Variants in FAS observed in about 807,000 individuals in gnomAD.
FAS encodes the protein Fas cell surface death receptor, also known as tumor necrosis factor receptor superfamily member 6.
FAS carries 5 observed loss-of-function variants against 33.2 expected under a neutral mutation model. The ratio of observed to expected loss-of-function variants is 0.15; its 90% CI spans 0.08 to 0.32. The LOEUF (loss-of-function observed/expected upper bound fraction) is 0.32. Ranked by LOEUF, FAS falls within the 10% of genes least tolerant of loss-of-function variation. The pLI is 1.00. For missense variants in FAS, 339 were observed against 386.0 expected (o/e 0.88, Z 1.02); for synonymous variants, 131 against 130.7 (o/e 1.00, Z -0.01).
intron 1 of FAS, chr10:88,973,115 A>G: frequency 6.7e-7 from 1 of 1,482,896 alleles, no homozygotes; most frequent in Non-Finnish European, 9.0e-7. Flanking sequence ...TTATTTTTCT[A>G]TTTTAATTTT....
chr10:88,967,643 C>A (rs749499285), intron 1 of FAS, among the ~76,000 whole-genome samples: 1 of 152,174 alleles, frequency 6.6e-6, no homozygotes, highest in Non-Finnish European at 1.5e-5. Flanking sequence ...GTTTCTTGAA[C>A]TTTCAAAGAC....
chr10:88,992,837 C>G (rs538469186), intron 1 of FAS, among the ~76,000 whole-genome samples: 2 of 152,242 alleles, frequency 1.3e-5, no homozygotes, highest in East Asian at 1.9e-4. Flanking sequence ...TAACATCAGG[C>G]CTTTATCCTT....
At chr10:89,004,499 A>G (rs1258886111) in intron 2 of FAS, among the ~76,000 whole-genome samples, 2 of 149,666 alleles carry the variant, frequency 1.3e-5, no homozygotes, top group South Asian at 2.2e-4. Flanking sequence ...ATATCTCCCA[A>G]TGCTATCCCT....
intron 3 of FAS, 51 bp downstream of exon 3, chr10:89,007,888 A>G (rs1848320218): frequency 1.2e-6 from 2 of 1,610,902 alleles, no homozygotes; most frequent in South Asian, 2.2e-5. Flanking sequence ...AATTTCATGT[A>G]GAACCATTTA....
chr10:89,003,065 G>C lies in FAS; in HGVS notation c.67G>C (p.Val23Leu), dbSNP rs779039838. The stretch of plus-strand genomic sequence containing the variant: ...TGTTGCTAGATTATCGTCCAAAAGT[G>C]TTAATGCCCAAGTGACTGACATCAA... ...TSVARLSSKS[V>L]NAQVTDINSK... Residue 23 changes from valine to leucine, a missense_variant, in exon 2 of 9, where the codon GTT becomes CTT. Coordinates refer to ENST00000652046, the MANE Select transcript of FAS (RefSeq NM_000043.6). 6.2e-7 allele frequency: 1 copy of C among 1,614,128 alleles called. No individual in the cohort carries two copies. Among genetic ancestry groups the C allele is most frequent in the South Asian group, 1.1e-5 (1 of 91,074 alleles).
intron 8 of FAS, among the ~76,000 whole-genome samples, chr10:89,013,813 T>C (rs1190311289): frequency 6.6e-6 from 1 of 152,222 alleles, no homozygotes; most frequent in Non-Finnish European, 1.5e-5. Context: ...GGGTCATTGA[T>C]CATTGGATCC....
chr10:89,014,626 G>A lies in FAS; in HGVS notation c.*176G>A, dbSNP rs1848703778. On this transcript the variant is annotated 3_prime_UTR_variant, in exon 9 of 9. Coordinates refer to ENST00000652046, the MANE Select transcript of FAS (RefSeq NM_000043.6). Reference sequence around the variant, plus strand: ...ATCTCATGATTCTGCCTCCAAGGATGTTTAAAATCTAGTTGGGAAAACAAA... The same window carrying A: ...ATCTCATGATTCTGCCTCCAAGGATATTTAAAATCTAGTTGGGAAAACAAA... 1 of 768,440 alleles carries A rather than the reference G, an allele frequency of 1.3e-6. No homozygotes were observed. The highest frequency in any genetic ancestry group is 2.7e-5 in the East Asian group (1 of 37,364). 47.6% of individuals were successfully genotyped at this position (768,440 alleles called of 1,614,324 possible).
At chr10:89,006,288 T>G (rs975544416) in intron 2 of FAS, among the ~76,000 whole-genome samples, 1 of 152,234 alleles carries the variant, frequency 6.6e-6, no homozygotes, top group Admixed American at 6.5e-5. Flanking sequence ...TATAGCCCTA[T>G]GCACTATTTT....
chr10:89,010,637 C>G, intron 5 of FAS, 37 bp downstream of exon 5: 1 of 1,607,888 alleles, frequency 6.2e-7, no homozygotes, highest in Non-Finnish European at 8.5e-7. Context: ...TCCTTTCCCC[C>G]AACCCCATGG....
At chr10:89,010,007 A>C (rs967708175) in intron 4 of FAS, among the ~76,000 whole-genome samples, 1 of 152,148 alleles carries the variant, frequency 6.6e-6, no homozygotes, top group African/African-American at 2.4e-5. Flanking sequence ...CCTGATTGTG[A>C]ATGTTTGTCT....
At position 89,007,599 on chromosome 10, in the gene FAS, G is replaced by T. The variant is rs960830396; in HGVS notation, c.197-101G>T. The T allele has an allele frequency of 7.7e-5, 111 of 1,450,862 alleles. 1 individual carries two copies. Among genetic ancestry groups the T allele is most frequent in the Non-Finnish European group, 9.8e-5 (104 of 1,066,546 alleles). The allele number at this position is 1,450,862 out of a possible 1,614,324, so 89.9% of individuals were successfully genotyped here. On this transcript the variant is annotated intron_variant, in intron 2 of 8. Coordinates refer to ENST00000652046, the MANE Select transcript of FAS (RefSeq NM_000043.6). ...TCATTAGCCTACCCCCCCTCCCCTTGTGTTTTAGAAGAGTTTTATTGTCTG... is the reference window on the plus strand; with the variant it reads ...TCATTAGCCTACCCCCCCTCCCCTTTTGTTTTAGAAGAGTTTTATTGTCTG...
chr10:89,007,904 C>T (rs1248216879), intron 3 of FAS, 67 bp downstream of exon 3: 67 of 1,605,514 alleles, frequency 4.2e-5, no homozygotes, highest in Non-Finnish European at 5.4e-5. Context: ...ATTTATAAGA[C>T]AATTTGAAAT....
chr10:88,989,208 G>GAAGATCCA (rs1847021858), upstream of FAS, among the ~76,000 whole-genome samples: 2 of 152,114 alleles, frequency 1.3e-5, no homozygotes, highest in Non-Finnish European at 2.9e-5. Flanking sequence ...TGAGTTGCTG[G>GAAGATCCA]CTTATAATTC....
rs1848018768 is a variant in FAS, at chr10:89,003,035, A to G, written c.37A>G (p.Thr13Ala). The G allele has an allele frequency of 6.2e-7, 1 of 1,614,024 alleles. No individual in the cohort carries two copies. The highest frequency in any genetic ancestry group is 1.3e-5 in the African/African-American group (1 of 74,948). The change falls in exon 2 of 9, where the codon ACG (threonine) becomes GCG (alanine). Residue 13 changes from threonine to alanine, a missense_variant. By Grantham distance (58) the Thr-to-Ala change is moderately conservative (BLOSUM62 0). Around this residue, in one of 3 missense-constraint regions of FAS, gnomAD observed 276 missense variants for 300.1 expected, o/e 0.92. Transcript: ENST00000652046. Reference protein sequence around the residue: ...GIWTLLPLVLTSVARLSSKSV... With the variant: ...GIWTLLPLVLASVARLSSKSV... ...TCATGCTTTTATTTTACAGGTTCTT[A>G]CGTCTGTTGCTAGATTATCGTCCAA... is the stretch of plus-strand genomic sequence containing the variant.
In FAS at chr10:89,015,192, T is replaced by C. The variant is rs1344574617; in HGVS notation, c.*742T>C. The C allele has an allele frequency of 1.9e-6, 1 of 534,900 alleles. No individual in the cohort carries two copies. Among genetic ancestry groups the C allele is most frequent in the Non-Finnish European group, 3.6e-6 (1 of 276,708 alleles). The allele number at this position is 534,900 out of a possible 1,614,324, so 33.1% of individuals were successfully genotyped here. A position where few individuals can be genotyped will look rare whatever the true frequency, so the allele number is the denominator to read the frequency against. ...TTGAGCAGGAGAGTATTACTAGAGCTTTGCCACCTCTCCATTTTTGCCTTG... is the reference window on the plus strand; with the variant it reads ...TTGAGCAGGAGAGTATTACTAGAGCCTTGCCACCTCTCCATTTTTGCCTTG... On this transcript the variant is annotated 3_prime_UTR_variant, in exon 9 of 9. Coordinates refer to ENST00000652046, the MANE Select transcript of FAS (RefSeq NM_000043.6).
At chr10:89,013,437 A>T (rs1023982763) in intron 8 of FAS, 70 bp downstream of exon 8, 13 of 1,399,396 alleles carry the variant, frequency 9.3e-6, no homozygotes, top group Non-Finnish European at 1.2e-5. Flanking sequence ...TCAGAGTAAA[A>T]TAATGTTACT....
upstream of FAS, among the ~76,000 whole-genome samples, chr10:88,988,619 T>A (rs1846992566): frequency 6.6e-6 from 1 of 152,134 alleles, no homozygotes; most frequent in Non-Finnish European, 1.5e-5. Context: ...AATTCTATTA[T>A]TAAAATTTTA....
At chr10:88,984,294 G>A (rs1390390034), upstream of FAS, among the ~76,000 whole-genome samples, 4 of 152,182 alleles carry the variant, frequency 2.6e-5, no homozygotes, top group Admixed American at 2.6e-4. Context: ...TCCTAGGGCT[G>A]TTGTAGAGAA....
chr10:89,008,796 G>T (rs1432543169), intron 3 of FAS, 93 bp from the exon 4 acceptor site: 3 of 1,107,382 alleles, frequency 2.7e-6, no homozygotes, highest in Non-Finnish European at 4.2e-6. Context: ...ATAAGCAGTG[G>T]ATCTCAAAAA....
Sources: allele counts gnomAD v4.1 joint callset (sites outside exome capture counted in the v4.1 genomes callset), GRCh38; gene constraint gnomAD v4.1.1; regional missense constraint gnomAD v4.1.1; transcripts MANE v1.5; gene names NCBI Gene and HGNC (gene_info 2026-07-23, HGNC 2026-07-21).